Variants in QRICH2 observed in about 807,000 individuals in gnomAD.
The protein encoded by QRICH2 is glutamine rich 2.
Under a neutral mutation model 168.3 loss-of-function variants are expected in QRICH2, and 119 were observed. The ratio of observed to expected loss-of-function variants is 0.71; its 90% CI spans 0.61 to 0.82. The LOEUF (loss-of-function observed/expected upper bound fraction) is 0.82. Ranked by LOEUF, QRICH2 falls within the 40% of genes least tolerant of loss-of-function variation. The pLI is 0.00. For missense variants in QRICH2, 2,241 were observed against 2,491.6 expected (o/e 0.90, Z 2.14); for synonymous variants, 894 against 951.2 (o/e 0.94, Z 1.11).
chr17:76,276,847 G>C (rs1452078145), intron 16 of QRICH2, 80 bp from the exon 17 acceptor site: 25 of 1,126,984 alleles, frequency 2.2e-5, no homozygotes, highest in Non-Finnish European at 3.0e-5. Context: ...CTGAGGCACA[G>C]AGCACTGTGG....
Position 76,293,673 on chromosome 17 carries a change from G to A in QRICH2, c.1054C>T (p.Gln352Ter), listed in dbSNP as rs768001456. 6.2e-7 allele frequency: 1 copy of A among 1,614,198 alleles called. No homozygotes were observed. The highest frequency in any genetic ancestry group is 2.2e-5 in the East Asian group (1 of 44,892). ...CCAGGACGTGCATTTCTTCTTGGTTGTGTCGAGGTAAGCTTCTCTCTACTC... is the reference window on the plus strand; with the variant it reads ...CCAGGACGTGCATTTCTTCTTGGTTATGTCGAGGTAAGCTTCTCTCTACTC... Reference protein sequence around the residue: ...HRSREKLTSTQPRRNARPGPV... With the variant: ...HRSREKLTST The change falls in exon 4 of 19, where the codon CAA becomes TAA. Residue 352 changes from glutamine (Q) to a stop codon, truncating the protein, a stop_gained. Transcript: ENST00000680821. LOFTEE classifies it high-confidence loss of function.
Position 76,281,971 on chromosome 17 carries a change from C to T in QRICH2, c.4156G>A (p.Val1386Met), listed in dbSNP as rs960259396. ...ACCAGCGTGCTGACCTGATGGCTCA[C>T]ATCCAGGCTGCAGGCTGGACAGGTG... is the stretch of plus-strand genomic sequence containing the variant. ...EATCPACSLD[V>M]SHQVSTLVRR... Residue 1386 changes from valine (V) to methionine (M), a missense_variant, in exon 8 of 19, where the codon GTG (valine) becomes ATG (methionine). Coordinates refer to ENST00000680821, the MANE Select transcript of QRICH2 (RefSeq NM_001388453.1). The surrounding 1 kb of genome is among the most constrained non-coding windows in gnomAD (Gnocchi z 4.4). 1.2e-6 allele frequency: 2 copies of T among 1,613,812 alleles called. No individual in the cohort carries two copies. Among genetic ancestry groups the T allele is most frequent in the Non-Finnish European group, 1.7e-6 (2 of 1,179,930 alleles).
At chr17:76,294,885 G>A (rs949033309) in intron 3 of QRICH2, among the ~76,000 whole-genome samples, 19 of 151,160 alleles carry the variant, frequency 1.3e-4, no homozygotes, top group Non-Finnish European at 2.7e-4. Flanking sequence ...TGATCTCTCT[G>A]GACTTTTGCT....
rs1250401503 is a variant in QRICH2 at position 76,307,043 on chromosome 17, G to C, written c.534+422C>G. Among the ~76,000 whole-genome samples, 1 of 152,070 alleles carries C rather than the reference G, an allele frequency of 6.6e-6. No individual in the cohort carries two copies. The highest frequency in any genetic ancestry group is 6.6e-5 in the Admixed American group (1 of 15,250). On this transcript the variant is annotated intron_variant, in intron 1 of 18. Transcript: ENST00000680821. This position sits in a 1 kb window ranked among gnomAD's most constrained non-coding sequence, Gnocchi z 5.3. ...TTCATGTCCTTATTCATTTTAAAAA[G>C]GGAATTCACTCTAAGAATCTTCTGA... is the stretch of plus-strand genomic sequence containing the variant.
At chr17:76,286,875 CAAAA>C (rs574718247) in intron 7 of QRICH2, among the ~76,000 whole-genome samples, 111 of 65,240 alleles carry the variant, frequency 1.7e-3, no homozygotes, top group Non-Finnish European at 3.1e-3. Flanking sequence ...AATTCCATCT[CAAAA>C]AAAAAAAAAA....
intron 3 of QRICH2, among the ~76,000 whole-genome samples, chr17:76,297,770 G>A (rs1057088309): frequency 4.0e-5 from 6 of 151,786 alleles, no homozygotes; most frequent in African/African-American, 1.2e-4. Context: ...TCAGTCTGGA[G>A]TGCAGTGGCA....
At position 76,278,190 on chromosome 17, in the gene QRICH2, C is replaced by T. The variant is rs140262996; in HGVS notation, c.4917-1G>A. Reference sequence around the variant, plus strand: ...AGGGAAGGCGCTGCCCAGCTTGAGGCTGCAGGGTGTGAGCAGAACAGAGGG... The same window carrying T: ...AGGGAAGGCGCTGCCCAGCTTGAGGTTGCAGGGTGTGAGCAGAACAGAGGG... On this transcript the variant is annotated splice_acceptor_variant, in intron 14 of 18. Transcript: ENST00000680821. LOFTEE classifies it high-confidence loss of function. 1.9e-5 allele frequency: 30 copies of T among 1,604,214 alleles called. No individual in the cohort carries two copies. In the African/African-American group the frequency reaches 3.5e-4, roughly 19 times the overall value.
chr17:76,277,406 C>T, intron 15 of QRICH2, 96 bp from the exon 16 acceptor site: 2 of 1,422,194 alleles, frequency 1.4e-6, no homozygotes, highest in Non-Finnish European at 1.9e-6. Context: ...GGAAGGGGCA[C>T]AGCTTCTCTT....
At chr17:76,287,698 TG>T in intron 6 of QRICH2, 101 bp downstream of exon 6, 1 of 818,860 alleles carries the variant, frequency 1.2e-6, no homozygotes, top group Non-Finnish European at 2.2e-6. Context: ...TCAAAGACAG[TG>T]GTCCATTCAG....
intron 7 of QRICH2, among the ~76,000 whole-genome samples, chr17:76,282,882 G>A (rs1045081657): frequency 1.3e-5 from 2 of 152,234 alleles, no homozygotes; most frequent in Non-Finnish European, 2.9e-5. Flanking sequence ...ACTCTGCAGG[G>A]CTGGGGCAGC....
chr17:76,294,534 C>T (rs1381547770), intron 3 of QRICH2, among the ~76,000 whole-genome samples: 1 of 151,922 alleles, frequency 6.6e-6, no homozygotes, highest in Non-Finnish European at 1.5e-5. Flanking sequence ...TTTTTGTGGC[C>T]AGGTGCGGTG....
At chr17:76,308,536 T>C, upstream of QRICH2, 9 of 977,890 alleles carry the variant, frequency 9.2e-6, no homozygotes, top group Non-Finnish European at 1.1e-5. Context: ...TGTCATCAGC[T>C]GCGTCCATTC....
At chr17:76,279,309 G>A (rs1455492899) in intron 13 of QRICH2, 54 bp downstream of exon 13, 1 of 1,477,704 alleles carries the variant, frequency 6.8e-7, no homozygotes, top group African/African-American at 1.4e-5. Context: ...CAGGTGAAGG[G>A]AGGAGACGCA....
rs147999068 is a variant in QRICH2 at position 76,276,874 on chromosome 17, G to A, written c.5266-107C>T. ...GCACTGTGGTCTCAGAACCCTCCTGGGGGGCTCTGGGAGGCACTAGGGTGG... is the reference window on the plus strand; with the variant it reads ...GCACTGTGGTCTCAGAACCCTCCTGAGGGGCTCTGGGAGGCACTAGGGTGG... On this transcript the variant is annotated intron_variant, in intron 16 of 18. Transcript: ENST00000680821. 1.8e-4 allele frequency: 160 copies of A among 899,950 alleles called. 1 individual carries two copies. The East Asian group carries it at 3.7e-3, about 21-fold the overall frequency. The allele number at this position is 899,950 out of a possible 1,614,324, so 55.7% of individuals were successfully genotyped here.
intron 2 of QRICH2, among the ~76,000 whole-genome samples, 163 bp from the exon 3 acceptor site, chr17:76,304,688 A>G (rs1202603572): frequency 6.6e-6 from 1 of 152,172 alleles, no homozygotes; most frequent in Non-Finnish European, 1.5e-5. Context: ...GCAGCCAGTT[A>G]TCTGTCCCAT....
In QRICH2 at chr17:76,287,847, C is replaced by T; in HGVS notation, c.3849G>A (p.Gly1283=). 1 of 1,614,154 alleles carries T rather than the reference C, an allele frequency of 6.2e-7. No individual in the cohort carries two copies. Among genetic ancestry groups the T allele is most frequent in the Non-Finnish European group, 8.5e-7 (1 of 1,180,030 alleles). The change falls in exon 6 of 19, where the codon GGG becomes GGA. Residue 1283 remains glycine (G), a synonymous_variant. Coordinates refer to ENST00000680821, the MANE Select transcript of QRICH2 (RefSeq NM_001388453.1). ...TCAGCTCTCCAGCTTTCAGTTCCTT[C>T]CCTGCTTCTTGATTCCCTTCCCCTT... ...ILEGEGNQEA[G]KELKAGELRL... is the part of the protein sequence containing the mutation.
At chr17:76,278,249 G>A in intron 14 of QRICH2, 60 bp from the exon 15 acceptor site, 1 of 1,549,536 alleles carries the variant, frequency 6.5e-7, no homozygotes, top group Non-Finnish European at 8.8e-7. Context: ...TTGACCTTGT[G>A]TAAGCCGAAT....
Position 76,279,410 on chromosome 17 carries a change from G to A in QRICH2, c.4767C>T (p.Phe1589=). 6.2e-7 allele frequency: 1 copy of A among 1,612,510 alleles called. No individual in the cohort carries two copies. ...AGGGCCGGTCACATGAGAGGCAGTG[G>A]AAATGTGCCAGGAGCTGCCTGTTAG... is the stretch of plus-strand genomic sequence containing the variant. The part of the protein sequence containing the change: ...AAMRRQLLAH[F]HCLSCDRPLE... Residue 1589 remains phenylalanine (F), a synonymous_variant, in exon 13 of 19, where the codon TTC becomes TTT. Coordinates refer to ENST00000680821, the MANE Select transcript of QRICH2 (RefSeq NM_001388453.1).
chr17:76,287,118 G>C (rs1171470773), intron 7 of QRICH2, 74 bp downstream of exon 7: 1 of 907,368 alleles, frequency 1.1e-6, no homozygotes, highest in South Asian at 1.3e-5. Flanking sequence ...TTTGATGAGA[G>C]GTGGGAGGGC....
Sources: allele counts gnomAD v4.1 joint callset (sites outside exome capture counted in the v4.1 genomes callset), GRCh38; gene constraint gnomAD v4.1.1; non-coding constraint Gnocchi (gnomAD v3.1); transcripts MANE v1.5; gene names NCBI Gene and HGNC (gene_info 2026-07-23, HGNC 2026-07-21).